The following PKM variants were observed in gnomAD, a reference collection of about 807,000 sequenced individuals.
The protein encoded by PKM is pyruvate kinase M1/2.
A neutral mutation model predicts 49.8 loss-of-function variants in PKM; 18 were observed. The ratio of observed to expected loss-of-function variants is 0.36; its 90% CI spans 0.25 to 0.54. The LOEUF (loss-of-function observed/expected upper bound fraction) is 0.54. Ranked by LOEUF, PKM falls within the 20% of genes least tolerant of loss-of-function variation. The pLI is 0.89. For missense variants in PKM, 508 were observed against 713.8 expected, an observed-to-expected ratio of 0.71 and a Z score of 3.28; for synonymous variants, 239 against 261.8, an observed-to-expected ratio of 0.91 and a Z score of 0.84.
chr15:72,217,535 T>C (rs1313853444), intron 2 of PKM, 35 bp from the exon 3 acceptor site: 1 of 1,301,596 alleles, frequency 7.7e-7, no homozygotes, highest in African/African-American at 1.4e-5. Flanking sequence ...CAAGTATTAA[T>C]TATTCAAAGA....
chr15:72,223,809 G>A (rs1373276692), intron 1 of PKM, among the ~76,000 whole-genome samples: 1 of 151,844 alleles, frequency 6.6e-6, no homozygotes, highest in Non-Finnish European at 1.5e-5. Context: ...TGGGTCTTAA[G>A]CCCACACTTT....
At chr15:72,212,932 G>T (rs535841989) in intron 3 of PKM, among the ~76,000 whole-genome samples, 2 of 152,062 alleles carry the variant, frequency 1.3e-5, no homozygotes, top group Non-Finnish European at 2.9e-5. Flanking sequence ...AAAATTAGCC[G>T]GGCGTGGTAG....
In PKM at chr15:72,199,587, GC is replaced by G; in HGVS notation, c.*62del. The G allele has an allele frequency of 8.7e-7, 1 of 1,152,388 alleles. No homozygotes were observed. Among genetic ancestry groups the G allele is most frequent in the Non-Finnish European group, 1.3e-6 (1 of 764,666 alleles). The allele number at this position is 1,152,388 out of a possible 1,614,324, so 71.4% of individuals were successfully genotyped here. A position where few individuals can be genotyped will look rare whatever the true frequency, so the allele number is the denominator to read the frequency against. On this transcript the variant is annotated 3_prime_UTR_variant, in exon 11 of 11. Transcript: ENST00000335181. ...AGAGTGAGTTCTACAAGCGTTGCTG[GC>G]CTAATGGATGGGCTGGGGGAAGGGG... is the stretch of plus-strand genomic sequence containing the variant.
chr15:72,209,617 G>A, intron 5 of PKM, 56 bp downstream of exon 5: 2 of 1,498,212 alleles, frequency 1.3e-6, no homozygotes, highest in Admixed American at 1.7e-5. Flanking sequence ...TTGTGTCAAG[G>A]AAGTTTAGAG....
chr15:72,220,968 T>C (rs1475406546), intron 1 of PKM, among the ~76,000 whole-genome samples: 1 of 152,244 alleles, frequency 6.6e-6, no homozygotes, highest in Non-Finnish European at 1.5e-5. Flanking sequence ...TCAGGCCAAC[T>C]GGAACACAAA....
At chr15:72,210,069 G>A in intron 4 of PKM, 1 of 628,020 alleles carries the variant, frequency 1.6e-6, no homozygotes, top group Non-Finnish European at 2.8e-6. Context: ...CTTAATGATG[G>A]GGAAAAAGAT....
At chr15:72,207,596 T>C (rs1261834005) in intron 6 of PKM, among the ~76,000 whole-genome samples, 3 of 152,206 alleles carry the variant, frequency 2.0e-5, no homozygotes, top group Non-Finnish European at 2.9e-5. Flanking sequence ...GGGGTCTCTC[T>C]AGGGCCTCCA....
At chr15:72,224,291 G>A (rs917464145) in intron 1 of PKM, among the ~76,000 whole-genome samples, 1 of 152,150 alleles carries the variant, frequency 6.6e-6, no homozygotes, top group Non-Finnish European at 1.5e-5. Flanking sequence ...AAATCAGCAA[G>A]GGACCTGGGA....
chr15:72,206,761 G>A lies in PKM; in HGVS notation c.1107C>T (p.Asp369=). The change falls in exon 8 of 11, where the codon GAC becomes GAT. Residue 369 remains aspartate (D), a synonymous_variant. Coordinates refer to ENST00000335181, the MANE Select transcript of PKM (RefSeq NM_002654.6). ...IMLSGETAKG[D]YPLEAVRMQH... is the part of the protein sequence containing the mutation. ...GCATGCGCACAGCCTCCAGAGGATAGTCCCCTTTGGCTGTTTCTCCAGACA... is the reference window on the plus strand; with the variant it reads ...GCATGCGCACAGCCTCCAGAGGATAATCCCCTTTGGCTGTTTCTCCAGACA... The A allele has an allele frequency of 6.2e-7, 1 of 1,613,842 alleles. No homozygotes were observed. The highest frequency in any genetic ancestry group is 8.5e-7 in the Non-Finnish European group (1 of 1,180,008).
intron 8 of PKM, chr15:72,203,107 G>A (rs1297319609): frequency 1.2e-6 from 2 of 1,614,030 alleles, no homozygotes; most frequent in South Asian, 1.1e-5. Flanking sequence ...GCTTCCATGA[G>A]GTCTGTGGAG....
intron 3 of PKM, among the ~76,000 whole-genome samples, chr15:72,214,834 T>C (rs750577917): frequency 5.9e-5 from 9 of 151,632 alleles, no homozygotes; most frequent in Non-Finnish European, 8.8e-5. Flanking sequence ...CTGGAAAACA[T>C]GGCATATGGA....
At position 72,217,404 on chromosome 15, in the gene PKM, C is replaced by T; in HGVS notation, c.246+5G>A. ...CAATGGCCATAGGGTCCAGCCACAG[C>T]TCACCTCATGAGTTCCATGAGAGAA... On this transcript the variant is annotated splice_donor_5th_base_variant and intron_variant, in intron 3 of 10. Coordinates refer to ENST00000335181, the MANE Select transcript of PKM (RefSeq NM_002654.6). 6.3e-7 allele frequency: 1 copy of T among 1,587,248 alleles called. No individual in the cohort carries two copies. Among genetic ancestry groups the T allele is most frequent in the Non-Finnish European group, 8.7e-7 (1 of 1,155,562 alleles).
chr15:72,210,519 T>G (rs754872813), intron 3 of PKM, 41 bp from the exon 4 acceptor site: 1 of 1,612,956 alleles, frequency 6.2e-7, no homozygotes, highest in Non-Finnish European at 8.5e-7. Flanking sequence ...GCTCCCACAC[T>G]AGAATCCAGC....
At chr15:72,199,825 C>A (rs2081894307) in intron 10 of PKM, 69 bp from the exon 11 acceptor site, 2 of 990,484 alleles carry the variant, frequency 2.0e-6, no homozygotes, top group Non-Finnish European at 3.2e-6. Context: ...GGCAGCTGCC[C>A]CATAGCCTGA....
chr15:72,215,327 T>C (rs2082352300), intron 3 of PKM, among the ~76,000 whole-genome samples: 2 of 152,140 alleles, frequency 1.3e-5, no homozygotes, highest in Non-Finnish European at 1.5e-5. Flanking sequence ...ACTGGAAAAG[T>C]ACGCCCCAGC....
rs753507262 is a variant in PKM, at chr15:72,209,863, G to A, written c.379-4C>T. On this transcript the variant is annotated splice_region_variant and splice_polypyrimidine_tract_variant and intron_variant, in intron 4 of 10. Transcript: ENST00000335181. The stretch of plus-strand genomic sequence containing the variant: ...GCTCCACCTCTGCAGTGCCGCTCTA[G>A]GGACAAGAGAGTAAGCAAGAGTCCA... The A allele has an allele frequency of 2.5e-6, 4 of 1,613,636 alleles. No homozygotes were observed. In the South Asian group the frequency reaches 4.4e-5, roughly 18 times the overall value.
At chr15:72,213,312 T>C (rs984164250) in intron 3 of PKM, among the ~76,000 whole-genome samples, 4 of 152,312 alleles carry the variant, frequency 2.6e-5, no homozygotes, top group African/African-American at 7.2e-5. Flanking sequence ...TCAGCGTATA[T>C]TGGTTTCAAA....
Position 72,219,283 on chromosome 15 carries a change from AG to A in PKM, c.-13-174del, listed in dbSNP as rs1021242417. The A allele has an allele frequency of 1.4e-4, 86 of 597,870 alleles. 1 individual carries two copies. Among genetic ancestry groups the A allele is most frequent in the South Asian group, 2.5e-4 (12 of 47,796 alleles). The allele number at this position is 597,870 out of a possible 1,614,324, so 37.0% of individuals were successfully genotyped here. A position where few individuals can be genotyped will look rare whatever the true frequency, so the allele number is the denominator to read the frequency against. On this transcript the variant is annotated intron_variant, in intron 1 of 10. Transcript: ENST00000335181. ...TGTGGGTGCTCCTCATGTTAGAAAA[AG>A]GGTTCACCAGATTGTGAACAATGGA...
intron 3 of PKM, among the ~76,000 whole-genome samples, chr15:72,212,202 C>T (rs1343045478): frequency 6.6e-6 from 1 of 152,092 alleles, no homozygotes; most frequent in African/African-American, 2.4e-5. Context: ...AGAGGCTGGG[C>T]GCGGTGGCTC....
Sources: gnomAD v4.1 joint callset for allele counts (sites outside exome capture counted in the v4.1 genomes callset) on GRCh38, gnomAD v4.1.1 for gene constraint, MANE v1.5 for transcripts, NCBI Gene and HGNC (gene_info 2026-07-23, HGNC 2026-07-21) for gene names.